The following NOL4 variants were observed in gnomAD, a reference collection of about 807,000 sequenced individuals.
NOL4 encodes the protein nucleolar protein 4, also known as cancer/testis antigen 125.
NOL4 carries 17 observed loss-of-function variants against 75.9 expected under a neutral mutation model. That is an observed-to-expected ratio of 0.22 (90% CI 0.15 to 0.34). NOL4 has a LOEUF of 0.34. Among genes scored for constraint, NOL4 ranks in the 10% least tolerant of loss-of-function variants. The probability of loss-of-function intolerance (pLI) is 1.00; values close to 1 mark genes in which losing one functional copy is unlikely to be tolerated. For synonymous variants in NOL4, 292 were observed against 289.9 expected, an observed-to-expected ratio of 1.01 and a Z score of -0.07; for missense variants, 614 against 793.5, an observed-to-expected ratio of 0.77 and a Z score of 2.72.
At chr18:33,863,837 C>A (rs190222135) in intron 10 of NOL4, among the ~76,000 whole-genome samples, 27 of 152,276 alleles carry the variant, frequency 1.8e-4, no homozygotes, top group Admixed American at 1.8e-3. Context: ...GGAGGTTCTC[C>A]ATGAGGGCTC....
intron 5 of NOL4, among the ~76,000 whole-genome samples, chr18:34,033,182 A>G (rs1395718090): frequency 1.3e-5 from 2 of 152,158 alleles, no homozygotes; most frequent in African/African-American, 4.8e-5. Flanking sequence ...AAAGGGCCAT[A>G]ATTTTCCAGC....
chr18:33,863,083 A>C (rs1181864940), intron 10 of NOL4, among the ~76,000 whole-genome samples: 2 of 152,206 alleles, frequency 1.3e-5, no homozygotes, highest in Non-Finnish European at 2.9e-5. Context: ...ATGGAATACT[A>C]TGCAGCCATA....
chr18:34,144,218 T>C (rs1259175906), intron 1 of NOL4, among the ~76,000 whole-genome samples: 1 of 152,148 alleles, frequency 6.6e-6, no homozygotes, highest in East Asian at 1.9e-4. Flanking sequence ...CATTCAACCT[T>C]TGGTAATTGC....
At chr18:33,996,822 T>C (rs1342354935) in intron 6 of NOL4, among the ~76,000 whole-genome samples, 2 of 152,052 alleles carry the variant, frequency 1.3e-5, no homozygotes, top group South Asian at 2.1e-4. Flanking sequence ...GATGGGAACC[T>C]GGCTTGATTC....
At chr18:34,020,870 A>C (rs891254366) in intron 5 of NOL4, among the ~76,000 whole-genome samples, 1 of 152,222 alleles carries the variant, frequency 6.6e-6, no homozygotes, top group Non-Finnish European at 1.5e-5. Context: ...TGGAAAAGGT[A>C]TTAAATTGTT....
At chr18:34,037,496 C>T (rs2075961835) in intron 5 of NOL4, among the ~76,000 whole-genome samples, 1 of 152,086 alleles carries the variant, frequency 6.6e-6, no homozygotes, top group East Asian at 1.9e-4. Context: ...AGGTATCATA[C>T]TACCTGACTT....
chr18:33,937,075 A>G (rs142527917), intron 9 of NOL4, among the ~76,000 whole-genome samples: 5 of 152,062 alleles, frequency 3.3e-5, no homozygotes, highest in African/African-American at 1.2e-4. Context: ...TGAATTGTCA[A>G]AGTGAAGAAG....
chr18:33,869,510 A>G (rs1211914696), intron 10 of NOL4, among the ~76,000 whole-genome samples: 1 of 152,046 alleles, frequency 6.6e-6, no homozygotes, highest in Non-Finnish European at 1.5e-5. Flanking sequence ...TAAGTTTGTA[A>G]ATGAATAAAT....
chr18:34,155,704 C>A (rs2030254699), intron 1 of NOL4, among the ~76,000 whole-genome samples: 1 of 152,022 alleles, frequency 6.6e-6, no homozygotes, highest in Admixed American at 6.6e-5. Flanking sequence ...ATGAGACCAT[C>A]ATCATATACA....
At chr18:33,922,711 A>G (rs2145294461) in intron 9 of NOL4, among the ~76,000 whole-genome samples, 1 of 152,306 alleles carries the variant, frequency 6.6e-6, no homozygotes, top group Admixed American at 6.5e-5. Flanking sequence ...TACTGAAACT[A>G]ATATAGTTTA....
chr18:34,214,856 T>C (rs892283092), intron 1 of NOL4, among the ~76,000 whole-genome samples: 4 of 152,152 alleles, frequency 2.6e-5, no homozygotes, highest in Admixed American at 1.3e-4. Flanking sequence ...TTGTCACATA[T>C]AATTATAACA....
Position 34,223,039 on chromosome 18 carries a change from C to G in NOL4, c.215G>C (p.Gly72Ala). ...CACTTGCTTGGCGCCGCCGCCTCCC[C>G]CGCGGACCTCGTCCGGCTGGCCCAG... ...FQLGQPDEVR[G>A]GGGGAKQVLY... is the part of the protein sequence containing the mutation. Residue 72 changes from glycine to alanine, a missense_variant, in exon 1 of 11, where the codon GGG becomes GCG. Coordinates refer to ENST00000261592, the MANE Select transcript of NOL4 (RefSeq NM_003787.5). 1 of 1,613,548 alleles carries G rather than the reference C, an allele frequency of 6.2e-7. No individual in the cohort carries two copies. Among genetic ancestry groups the G allele is most frequent in the Non-Finnish European group, 8.5e-7 (1 of 1,180,038 alleles).
chr18:33,921,628 T>C (rs141133005), intron 9 of NOL4, among the ~76,000 whole-genome samples: 3 of 152,286 alleles, frequency 2.0e-5, no homozygotes, highest in Non-Finnish European at 4.4e-5. Flanking sequence ...AAGGAATGTC[T>C]GGGCTACTAG....
chr18:34,191,045 T>G (rs939969254), intron 1 of NOL4, among the ~76,000 whole-genome samples: 70 of 152,184 alleles, frequency 4.6e-4, no homozygotes, highest in African/African-American at 1.6e-3. Flanking sequence ...TAAACTTTAG[T>G]TTGAAATTGT....
intron 1 of NOL4, among the ~76,000 whole-genome samples, chr18:34,132,768 C>T (rs1422543079): frequency 6.9e-6 from 1 of 145,846 alleles, no homozygotes; most frequent in African/African-American, 2.5e-5. Flanking sequence ...AGACACAGTA[C>T]AGTAGAAATT....
At chr18:34,188,501 A>G (rs2034664321) in intron 1 of NOL4, among the ~76,000 whole-genome samples, 2 of 152,344 alleles carry the variant, frequency 1.3e-5, no homozygotes, top group South Asian at 2.1e-4. Context: ...ACTGAACATC[A>G]TAGCTTGGCC....
intron 6 of NOL4, among the ~76,000 whole-genome samples, chr18:34,011,966 T>C (rs1369340399): frequency 1.3e-5 from 2 of 151,920 alleles, no homozygotes; most frequent in African/African-American, 2.4e-5. Context: ...ACCTTGCACT[T>C]TTCAAGGCAT....
At chr18:34,142,155 G>T (rs1440728038) in intron 1 of NOL4, among the ~76,000 whole-genome samples, 1 of 152,136 alleles carries the variant, frequency 6.6e-6, no homozygotes, top group African/African-American at 2.4e-5. Flanking sequence ...CAGTTAGAAT[G>T]GTGATCATTA....
At chr18:33,858,871 T>C (rs2062959642) in intron 10 of NOL4, among the ~76,000 whole-genome samples, 1 of 152,114 alleles carries the variant, frequency 6.6e-6, no homozygotes, top group Non-Finnish European at 1.5e-5. Context: ...TCATTTGGAA[T>C]ATCCATTTTT....
Sources: allele counts gnomAD v4.1 joint callset (sites outside exome capture counted in the v4.1 genomes callset), GRCh38; gene constraint gnomAD v4.1.1; transcripts MANE v1.5; gene names NCBI Gene and HGNC (gene_info 2026-07-23, HGNC 2026-07-21).